Variants in MYO9A observed in about 807,000 individuals in gnomAD.
The protein encoded by MYO9A is unconventional myosin-IXa.
In MYO9A, 103 loss-of-function variants were observed where a neutral mutation model predicts 293.3. The ratio of observed to expected loss-of-function variants is 0.35; its 90% CI spans 0.30 to 0.41. MYO9A has a LOEUF of 0.41. Among genes scored for constraint, MYO9A ranks in the 10% least tolerant of loss-of-function variants. The pLI, the probability that MYO9A is intolerant of heterozygous loss-of-function variation, is 1.00. For synonymous variants in MYO9A, 1,001 were observed against 1,035.7 expected, an observed-to-expected ratio of 0.97 and a Z score of 0.64; for missense variants, 2,685 against 3,033.0, an observed-to-expected ratio of 0.89 and a Z score of 2.69.
chr15:71,899,582 G>A, intron 24 of MYO9A, 105 bp downstream of exon 24: 1 of 1,016,152 alleles, frequency 9.8e-7, no homozygotes, highest in Non-Finnish European at 1.4e-6. Flanking sequence ...AAGACAAATT[G>A]TATACAACCA....
At chr15:71,978,632 T>A (rs1319383776) in intron 11 of MYO9A, among the ~76,000 whole-genome samples, 2 of 152,144 alleles carry the variant, frequency 1.3e-5, no homozygotes, top group Non-Finnish European at 2.9e-5. Context: ...CACATGACTT[T>A]AAGCCATCAA....
intron 1 of MYO9A, among the ~76,000 whole-genome samples, chr15:72,081,304 T>C (rs2079537240): frequency 6.6e-6 from 1 of 152,230 alleles, no homozygotes. Flanking sequence ...TTCACATTTC[T>C]CTAATTATCA....
rs1361539194 is a variant in MYO9A at position 72,117,573 on chromosome 15, C to T, written c.-72+107G>A. ...GCTCGGCGCAGACCCGCTCGCGGGG[C>T]GTCTCCGCTGGGACGGGGCGGGGCG... On this transcript the variant is annotated intron_variant, in intron 1 of 41. Transcript: ENST00000356056. The T allele has an allele frequency of 1.1e-5, 4 of 378,992 alleles. No homozygotes were observed. The Admixed American group carries it at 1.4e-4, about 13-fold the overall frequency. The allele number at this position is 378,992 out of a possible 1,614,324, so 23.5% of individuals were successfully genotyped here.
chr15:72,037,830 T>C lies in MYO9A; in HGVS notation c.841-5242A>G, dbSNP rs532124745. 6.3e-4 allele frequency among the ~76,000 whole-genome samples: 96 copies of C among 151,378 alleles called. 2 individuals are homozygous for C. In the South Asian group the frequency reaches 0.019, roughly 31 times the overall value. ...GCAAAAAAGTACAAAAGTATGGGCA[T>C]GGGAAAATGAAAAATAGCACTAAAC... On this transcript the variant is annotated intron_variant, in intron 2 of 41. Transcript: ENST00000356056.
Position 71,897,912 on chromosome 15 carries a change from T to C in MYO9A, c.4591A>G (p.Lys1531Glu). Residue 1531 changes from lysine (K) to glutamate (E), a missense_variant, in exon 25 of 42, where the codon AAG becomes GAG. Coordinates refer to ENST00000356056, the MANE Select transcript of MYO9A (RefSeq NM_006901.4). ...CCAATTCTTGGCTTTTCAATTGTCT[T>C]GAAGGCTTTGCGCTCCTTCTCTAAA... ...DILEKERKAFKTIEKPRIGEC... is the reference protein window; with the variant it reads ...DILEKERKAFETIEKPRIGEC... The C allele has an allele frequency of 6.2e-7, 1 of 1,614,160 alleles. No homozygotes were observed. Among genetic ancestry groups the C allele is most frequent in the Non-Finnish European group, 8.5e-7 (1 of 1,180,030 alleles).
rs16956367 is a variant in MYO9A, at chr15:71,883,609, G to A, written c.5383C>T (p.His1795Tyr). The A allele has an allele frequency of 2.8e-3, 4,571 of 1,611,914 alleles. 107 individuals carry two copies. In the African/African-American group the frequency reaches 0.054, roughly 19 times the overall value. ...LFAGTDVIPA[H>Y]QFPDELAAYH... Reference sequence around the variant, plus strand: ...TCACTTTTACCATCTGGAAACTGATGAGCTGGAATCACATCTGTGCCTGCA... The same window carrying A: ...TCACTTTTACCATCTGGAAACTGATAAGCTGGAATCACATCTGTGCCTGCA... The change falls in exon 28 of 42, where the codon CAT becomes TAT. Residue 1795 changes from histidine (H) to tyrosine (Y), a missense_variant. His to Tyr is a moderately conservative substitution (Grantham distance 83). Coordinates refer to ENST00000356056, the MANE Select transcript of MYO9A (RefSeq NM_006901.4).
At chr15:71,933,561 G>A (rs2058541590) in intron 18 of MYO9A, 109 bp downstream of exon 18, 1 of 1,023,882 alleles carries the variant, frequency 9.8e-7, no homozygotes, top group Non-Finnish European at 1.5e-6. Context: ...CACTATCTTG[G>A]ATACAAATAA....
At chr15:71,944,117 A>G (rs2058849992) in intron 15 of MYO9A, among the ~76,000 whole-genome samples, 1 of 152,098 alleles carries the variant, frequency 6.6e-6, no homozygotes, top group Non-Finnish European at 1.5e-5. Flanking sequence ...AAAGTTGAAC[A>G]TCTTTCATGA....
At chr15:71,975,303 C>CAT (rs2076109704) in intron 12 of MYO9A, among the ~76,000 whole-genome samples, 1 of 143,770 alleles carries the variant, frequency 7.0e-6, no homozygotes, top group Admixed American at 6.9e-5. Context: ...ATGATTTTAT[C>CAT]GTGTGTGTGT....
In MYO9A at chr15:71,876,719, C is replaced by T. The variant is rs192810945; in HGVS notation, c.5932-881G>A. Among the ~76,000 whole-genome samples, 7 of 152,240 alleles carry T rather than the reference C, an allele frequency of 4.6e-5. No homozygotes were observed. In the East Asian group the frequency reaches 1.2e-3, roughly 25 times the overall value. On this transcript the variant is annotated intron_variant, in intron 31 of 41. Transcript: ENST00000356056. ...AAAGTGCTGGGATTACAGGCATGAG[C>T]CACTGTGCCAAGCTGATTGTTTTAA...
At chr15:72,026,268 G>A (rs528094200) in intron 4 of MYO9A, among the ~76,000 whole-genome samples, 32 of 84,566 alleles carry the variant, frequency 3.8e-4, no homozygotes, top group Middle Eastern at 0.01. Flanking sequence ...GCAAGACTCC[G>A]TCTCAAGAAA....
At chr15:72,029,055 A>C (rs1265416972) in intron 3 of MYO9A, among the ~76,000 whole-genome samples, 1 of 152,160 alleles carries the variant, frequency 6.6e-6, no homozygotes, top group South Asian at 2.1e-4. Context: ...TCAATCCAAG[A>C]AGGAAAAAGG....
At chr15:71,870,451 G>A (rs565254142) in intron 32 of MYO9A, among the ~76,000 whole-genome samples, 6 of 151,852 alleles carry the variant, frequency 4.0e-5, no homozygotes, top group African/African-American at 1.2e-4. Context: ...TGTATATAGG[G>A]GTATACATGT....
intron 25 of MYO9A, among the ~76,000 whole-genome samples, chr15:71,896,175 A>C (rs1022349198): frequency 6.6e-6 from 1 of 152,186 alleles, no homozygotes; most frequent in Non-Finnish European, 1.5e-5. Flanking sequence ...TATATTATTG[A>C]TCATCTCTTG....
At chr15:72,060,251 T>C (rs2078842570) in intron 1 of MYO9A, among the ~76,000 whole-genome samples, 1 of 152,196 alleles carries the variant, frequency 6.6e-6, no homozygotes, top group Non-Finnish European at 1.5e-5. Flanking sequence ...TCTCTTTGCC[T>C]GTAAGATGTA....
At chr15:71,982,494 T>A (rs1327223406) in intron 11 of MYO9A, among the ~76,000 whole-genome samples, 3 of 152,118 alleles carry the variant, frequency 2.0e-5, no homozygotes, top group Admixed American at 1.3e-4. Flanking sequence ...CCACGCAAAC[T>A]TGAAAAAAAA....
chr15:71,832,943 C>T (rs187123715), intron 39 of MYO9A, among the ~76,000 whole-genome samples: 1 of 151,956 alleles, frequency 6.6e-6, no homozygotes, highest in Admixed American at 6.6e-5. Flanking sequence ...TGATAGATCA[C>T]AGATCTGTTT....
intron 12 of MYO9A, 78 bp from the exon 13 acceptor site, chr15:71,968,203 GTACAT>G (rs1389838306): frequency 4.1e-6 from 5 of 1,214,746 alleles, no homozygotes; most frequent in Admixed American, 6.1e-5. Flanking sequence ...CCTTTTCAAA[GTACAT>G]TACAATTACA....
intron 1 of MYO9A, among the ~76,000 whole-genome samples, chr15:72,080,658 T>C (rs1405402614): frequency 1.3e-5 from 2 of 152,112 alleles, no homozygotes; most frequent in African/African-American, 2.4e-5. Context: ...AGGTTTCTTA[T>C]AAAGGTTAAC....
Sources: allele counts gnomAD v4.1 joint callset (sites outside exome capture counted in the v4.1 genomes callset), GRCh38; gene constraint gnomAD v4.1.1; transcripts MANE v1.5; gene names NCBI Gene and HGNC (gene_info 2026-07-23, HGNC 2026-07-21).